The following MCU variants were observed in gnomAD, a reference collection of about 807,000 sequenced individuals.
The protein encoded by MCU is calcium uniporter protein, mitochondrial.
Under a neutral mutation model 45.2 loss-of-function variants are expected in MCU, and 12 were observed. The ratio of observed to expected loss-of-function variants is 0.27; its 90% confidence interval spans 0.17 to 0.43. MCU has a LOEUF of 0.43. MCU is among the 20% of genes least tolerant of loss of function. The pLI, the probability that MCU is intolerant of heterozygous loss-of-function variation, is 1.00. For synonymous variants in MCU, 160 were observed against 165.1 expected, an observed-to-expected ratio of 0.97 and a Z score of 0.24; for missense variants, 324 against 436.7, an observed-to-expected ratio of 0.74 and a Z score of 2.30.
At chr10:72,799,329 C>CATTCATTTAATAAATATTTAAT (rs1300608621) in intron 1 of MCU, among the ~76,000 whole-genome samples, 2 of 152,320 alleles carry the variant, frequency 1.3e-5, no homozygotes, top group East Asian at 1.9e-4. Flanking sequence ...AGTGAACATT[C>CATTCATTTAATAAATATTTAAT]ATTCATTTAA....
At chr10:72,783,141 C>G (rs1844020548) in intron 1 of MCU, among the ~76,000 whole-genome samples, 1 of 152,170 alleles carries the variant, frequency 6.6e-6, no homozygotes, top group African/African-American at 2.4e-5. Flanking sequence ...ATGAAACCAC[C>G]GCATTGTGTG....
chr10:72,844,023 A>G lies in MCU; in HGVS notation c.220+9595A>G, dbSNP rs190532027. ...TCCTAGCACTTCGGGAGGCCAAGGC[A>G]GGTTGATCACCTGAGTTCAGGAGAT... On this transcript the variant is annotated intron_variant, in intron 2 of 7. Transcript: ENST00000373053. Among the ~76,000 whole-genome samples, 8 of 152,272 alleles carry G rather than the reference A, an allele frequency of 5.3e-5. No homozygotes were observed. In the East Asian group the frequency reaches 1.5e-3, roughly 29 times the overall value.
At chr10:72,801,173 A>G (rs777627249) in intron 1 of MCU, among the ~76,000 whole-genome samples, 23 of 152,268 alleles carry the variant, frequency 1.5e-4, no homozygotes, top group Non-Finnish European at 3.1e-4. Flanking sequence ...GGGGATAGGT[A>G]GAGGCCATAT....
chr10:72,839,697 T>A (rs1845017115), intron 2 of MCU, among the ~76,000 whole-genome samples: 1 of 151,452 alleles, frequency 6.6e-6, no homozygotes, highest in African/African-American at 2.4e-5. Flanking sequence ...CTCACACCTG[T>A]AATCCCAGCA....
At chr10:72,773,553 G>A (rs889592481) in intron 1 of MCU, among the ~76,000 whole-genome samples, 1 of 152,128 alleles carries the variant, frequency 6.6e-6, no homozygotes, top group Non-Finnish European at 1.5e-5. Flanking sequence ...CAAGAGGAAA[G>A]ATAGAAAGCT....
chr10:72,830,358 A>G (rs1159650943), intron 1 of MCU, among the ~76,000 whole-genome samples: 1 of 152,248 alleles, frequency 6.6e-6, no homozygotes, highest in African/African-American at 2.4e-5. Context: ...ATTATTGTCA[A>G]GGATAATTTA....
At chr10:72,824,143 A>G (rs1844756145) in intron 1 of MCU, among the ~76,000 whole-genome samples, 1 of 151,808 alleles carries the variant, frequency 6.6e-6, no homozygotes. Flanking sequence ...CCTACTGGAT[A>G]CAATCTGGAA....
At chr10:72,856,768 TAAA>T (rs1204072398) in intron 2 of MCU, among the ~76,000 whole-genome samples, 2 of 64,944 alleles carry the variant, frequency 3.1e-5, no homozygotes, top group Non-Finnish European at 2.9e-5. Flanking sequence ...ACCCTGTCTC[TAAA>T]AAAAAAAAAA....
intron 2 of MCU, among the ~76,000 whole-genome samples, chr10:72,839,649 G>T (rs1460286167): frequency 6.6e-6 from 1 of 151,648 alleles, no homozygotes; most frequent in East Asian, 1.9e-4. Flanking sequence ...TTTCCATTTT[G>T]AACTATTAAA....
rs575097039 is a variant in MCU at position 72,742,232 on chromosome 10, A to G, written c.150+49931A>G. On this transcript the variant is annotated intron_variant, in intron 1 of 7. Coordinates refer to ENST00000373053, the MANE Select transcript of MCU (RefSeq NM_138357.3). ...TAGCCTCGGAGCAATAGGACATACC[A>G]TATGTCCTAGATATGTAGTAGGCTG... is the stretch of plus-strand genomic sequence containing the variant. Among the ~76,000 whole-genome samples the G allele has an allele frequency of 1.1e-4, 17 of 151,876 alleles. 1 individual carries two copies. The South Asian group carries it at 2.3e-3, about 20-fold the overall frequency.
chr10:72,832,776 G>A (rs1844897169), intron 1 of MCU, among the ~76,000 whole-genome samples: 1 of 152,048 alleles, frequency 6.6e-6, no homozygotes, highest in Non-Finnish European at 1.5e-5. Context: ...ACCACTTTTT[G>A]CCCATTTTTC....
At chr10:72,799,118 G>A (rs1271777373) in intron 1 of MCU, among the ~76,000 whole-genome samples, 1 of 151,892 alleles carries the variant, frequency 6.6e-6, no homozygotes, top group Admixed American at 6.6e-5. Context: ...GTAGAGACGG[G>A]GTTTCACCAT....
At chr10:72,809,795 G>C (rs1172737243) in intron 1 of MCU, among the ~76,000 whole-genome samples, 3 of 152,178 alleles carry the variant, frequency 2.0e-5, no homozygotes, top group African/African-American at 7.2e-5. Context: ...GGAAGAGCAA[G>C]AAGGCAATAA....
intron 1 of MCU, among the ~76,000 whole-genome samples, chr10:72,817,581 T>G (rs894210051): frequency 1.3e-5 from 2 of 152,196 alleles, no homozygotes; most frequent in East Asian, 3.8e-4. Flanking sequence ...TACTCCTGTT[T>G]TTAAAGGGCT....
rs74515022 is a variant in MCU, at chr10:72,720,132, C to T, written c.150+27831C>T. 9.5e-3 allele frequency among the ~76,000 whole-genome samples: 1,440 copies of T among 152,194 alleles called. 12 individuals carry two copies. The highest frequency in any genetic ancestry group is 0.016 in the Non-Finnish European group (1,069 of 68,002). ...CCTCAAGCAATCCTTCCACTATGGCCTGGGATTACAGGCATGAGTCACTGT... is the reference window on the plus strand; with the variant it reads ...CCTCAAGCAATCCTTCCACTATGGCTTGGGATTACAGGCATGAGTCACTGT... On this transcript the variant is annotated intron_variant, in intron 1 of 7. Coordinates refer to ENST00000373053, the MANE Select transcript of MCU (RefSeq NM_138357.3).
intron 1 of MCU, among the ~76,000 whole-genome samples, chr10:72,743,283 G>A (rs1033775098): frequency 6.6e-6 from 1 of 151,590 alleles, no homozygotes; most frequent in African/African-American, 2.4e-5. Context: ...CATGGTGGCG[G>A]GTGCTTGTAA....
chr10:72,806,294 A>G (rs1844448018), intron 1 of MCU, among the ~76,000 whole-genome samples: 2 of 151,304 alleles, frequency 1.3e-5, no homozygotes, highest in African/African-American at 4.9e-5. Context: ...AGTAGCTGGG[A>G]TTACAGGCAT....
At chr10:72,853,783 G>A (rs931256005) in intron 2 of MCU, among the ~76,000 whole-genome samples, 3 of 152,170 alleles carry the variant, frequency 2.0e-5, no homozygotes, top group Non-Finnish European at 2.9e-5. Context: ...TTGGGAAGCC[G>A]AGGCAGGAGG....
rs150270135 is a variant in MCU, at chr10:72,693,561, G to A, written c.150+1260G>A. On this transcript the variant is annotated intron_variant, in intron 1 of 7. Transcript: ENST00000373053. The stretch of plus-strand genomic sequence containing the variant: ...TAAGGCCAATGACAGCATCAAAATC[G>A]AGTGCCTGAAAGATCTATGAAAAGA... Among the ~76,000 whole-genome samples, 6 of 152,278 alleles carry A rather than the reference G, an allele frequency of 3.9e-5. No individual in the cohort carries two copies. In the East Asian group the frequency reaches 1.2e-3, roughly 29 times the overall value.
Sources: allele counts gnomAD v4.1 joint callset (sites outside exome capture counted in the v4.1 genomes callset), GRCh38; gene constraint gnomAD v4.1.1; transcripts MANE v1.5; gene names NCBI Gene and HGNC (gene_info 2026-07-23, HGNC 2026-07-21).